Variants in ALK observed in about 807,000 individuals in gnomAD.
ALK encodes the protein ALK tyrosine kinase receptor.
In ALK, 74 loss-of-function variants were observed where a neutral mutation model predicts 163.1. The ratio of observed to expected loss-of-function variants is 0.45; its 90% CI spans 0.38 to 0.55. The LOEUF (loss-of-function observed/expected upper bound fraction) is 0.55. Ranked by LOEUF, ALK falls within the 20% of genes least tolerant of loss-of-function variation. The probability of loss-of-function intolerance (pLI) is 0.00; values close to 1 mark genes in which losing one functional copy is unlikely to be tolerated. For missense variants in ALK, 2,063 were observed against 2,105.3 expected, an observed-to-expected ratio of 0.98 and a Z score of 0.39; for synonymous variants, 960 against 843.2, an observed-to-expected ratio of 1.14 and a Z score of -2.40.
At chr2:29,571,326 A>G (rs1348383124) in intron 3 of ALK, among the ~76,000 whole-genome samples, 4 of 152,124 alleles carry the variant, frequency 2.6e-5, no homozygotes, top group Non-Finnish European at 5.9e-5. Flanking sequence ...TAATCCCCAC[A>G]TGTCGAGGGA....
chr2:29,228,987 A>T lies in ALK; in HGVS notation c.2712T>A (p.His904Gln), dbSNP rs766742720. The T allele has an allele frequency of 3.4e-6, 5 of 1,490,894 alleles. No homozygotes were observed. The highest frequency in any genetic ancestry group is 1.8e-5 in the Admixed American group (1 of 55,942). The allele number at this position is 1,490,894 out of a possible 1,614,324, so 92.4% of individuals were successfully genotyped here. Residue 904 changes from histidine (H) to glutamine (Q), a missense_variant, in exon 16 of 29, where the codon CAT (histidine) becomes CAA (glutamine). By Grantham distance (24) the His-to-Gln change is conservative (BLOSUM62 0). This residue lies in a region of ALK where 575 missense variants were observed against 626.6 expected (regional missense o/e 0.92). Transcript: ENST00000389048. ...ACTTCTTCATGGCCTGGGGGCAGGA[A>T]TGTCCTCCGGTGGCACCCTCCTGCA... ...KSLQEGATGGHSCPQAMKKWG... is the reference protein window; with the variant it reads ...KSLQEGATGGQSCPQAMKKWG...
At chr2:29,435,091 T>C (rs1334005970) in intron 4 of ALK, among the ~76,000 whole-genome samples, 3 of 152,170 alleles carry the variant, frequency 2.0e-5, no homozygotes, top group Non-Finnish European at 4.4e-5. Context: ...GACCTCTCAG[T>C]TTAGCAGTCC....
intron 3 of ALK, among the ~76,000 whole-genome samples, chr2:29,641,163 G>A (rs1479762911): frequency 4.6e-5 from 7 of 152,082 alleles, no homozygotes; most frequent in Admixed American, 2.6e-4. Context: ...AAAATAAATA[G>A]GCAGATATTG....
At position 29,389,429 on chromosome 2, in the gene ALK, C is replaced by T. The variant is rs148218181; in HGVS notation, c.1155-5570G>A. Among the ~76,000 whole-genome samples, 413 of 152,316 alleles carry T rather than the reference C, an allele frequency of 2.7e-3. 2 individuals carry two copies. The highest frequency in any genetic ancestry group is 9.4e-3 in the African/African-American group (389 of 41,572). On this transcript the variant is annotated intron_variant, in intron 4 of 28. Coordinates refer to ENST00000389048, the MANE Select transcript of ALK (RefSeq NM_004304.5). ...GGCATGAGCACATGAGCAGAGGCCA[C>T]ATAGACAGTGTGTGTTTGGAGAACA... is the stretch of plus-strand genomic sequence containing the variant.
chr2:29,851,648 C>T (rs1665995432), intron 1 of ALK, among the ~76,000 whole-genome samples: 1 of 152,198 alleles, frequency 6.6e-6, no homozygotes, highest in Non-Finnish European at 1.5e-5. Context: ...CCAAGTATTG[C>T]TGCTGCTGGT....
intron 1 of ALK, among the ~76,000 whole-genome samples, chr2:29,870,271 C>T (rs1666544127): frequency 6.6e-6 from 1 of 152,246 alleles, no homozygotes; most frequent in South Asian, 2.1e-4. Flanking sequence ...GCTGTACAGG[C>T]TAATGCTTCT....
intron 3 of ALK, among the ~76,000 whole-genome samples, chr2:29,598,829 T>C (rs1249551840): frequency 2.4e-4 from 36 of 152,192 alleles, no homozygotes; most frequent in Non-Finnish European, 8.8e-5. Flanking sequence ...TGGGCATGAA[T>C]TGCTTTTATG....
At chr2:29,754,198 G>A (rs112224952) in intron 1 of ALK, among the ~76,000 whole-genome samples, 20 of 152,276 alleles carry the variant, frequency 1.3e-4, no homozygotes, top group African/African-American at 4.8e-4. Context: ...CAGCCCAAAC[G>A]CAGGAGTGAT....
chr2:29,831,983 G>C (rs1198602450), intron 1 of ALK, among the ~76,000 whole-genome samples: 1 of 152,194 alleles, frequency 6.6e-6, no homozygotes, highest in Non-Finnish European at 1.5e-5. Context: ...ATCGTTCAAA[G>C]ATCTCAGTAT....
At chr2:29,516,786 G>T (rs1672678513) in intron 4 of ALK, among the ~76,000 whole-genome samples, 1 of 152,172 alleles carries the variant, frequency 6.6e-6, no homozygotes, top group Admixed American at 6.5e-5. Context: ...TTAGAACAAT[G>T]TCCAGCATAT....
chr2:29,523,322 C>T (rs1672864603), intron 4 of ALK, among the ~76,000 whole-genome samples: 1 of 152,178 alleles, frequency 6.6e-6, no homozygotes, highest in African/African-American at 2.4e-5. Context: ...ATTCCCATAG[C>T]ACCCAATGCA....
chr2:29,411,325 C>T (rs1179848452), intron 4 of ALK, among the ~76,000 whole-genome samples: 1 of 152,128 alleles, frequency 6.6e-6, no homozygotes, highest in Non-Finnish European at 1.5e-5. Context: ...GGAGCTGTCA[C>T]TCTTTTCAGA....
At chr2:29,862,824 G>GA (rs58724138) in intron 1 of ALK, among the ~76,000 whole-genome samples, 60,241 of 145,756 alleles carry the variant, frequency 0.41, 13,130 homozygotes, top group Non-Finnish European at 0.5. Flanking sequence ...GCAATCTTGA[G>GA]AAAAAAAAAA....
At chr2:29,412,004 G>A (rs1669736270) in intron 4 of ALK, among the ~76,000 whole-genome samples, 1 of 152,196 alleles carries the variant, frequency 6.6e-6, no homozygotes, top group South Asian at 2.1e-4. Context: ...TTCCAGAATT[G>A]CATCAGTGTC....
At chr2:29,641,819 G>A (rs943669003) in intron 3 of ALK, among the ~76,000 whole-genome samples, 2 of 152,116 alleles carry the variant, frequency 1.3e-5, no homozygotes, top group African/African-American at 4.8e-5. Flanking sequence ...ATCCTTTCAG[G>A]AAAGCCCCTT....
intron 1 of ALK, among the ~76,000 whole-genome samples, chr2:29,815,594 G>T (rs1376023771): frequency 2.6e-5 from 4 of 152,204 alleles, no homozygotes; most frequent in Admixed American, 2.6e-4. Flanking sequence ...GGGATTCACA[G>T]AGGAGGCCAT....
chr2:29,395,709 A>G (rs931152018), intron 4 of ALK, among the ~76,000 whole-genome samples: 1 of 152,150 alleles, frequency 6.6e-6, no homozygotes, highest in African/African-American at 2.4e-5. Context: ...ACCTTGTTGG[A>G]TAGCAGATCT....
chr2:29,336,653 T>G (rs12465220), intron 5 of ALK, among the ~76,000 whole-genome samples: 1 of 152,048 alleles, frequency 6.6e-6, no homozygotes, highest in Admixed American at 6.5e-5. Context: ...CAGAAACCCA[T>G]GCATCCTCTG....
intron 1 of ALK, among the ~76,000 whole-genome samples, chr2:29,808,439 C>A (rs1214159781): frequency 6.6e-6 from 1 of 152,174 alleles, no homozygotes; most frequent in Non-Finnish European, 1.5e-5. Context: ...AAACCTGAAA[C>A]CCAGAGCCAA....
Sources: gnomAD v4.1 joint callset for allele counts (sites outside exome capture counted in the v4.1 genomes callset) on GRCh38, gnomAD v4.1.1 for gene constraint, gnomAD v4.1.1 regional missense constraint, MANE v1.5 for transcripts, NCBI Gene and HGNC (gene_info 2026-07-23, HGNC 2026-07-21) for gene names.